Variants in NAALADL2 observed in about 807,000 individuals in gnomAD.
NAALADL2 encodes N-acetylated alpha-linked acidic dipeptidase like 2.
A neutral mutation model predicts 87.2 loss-of-function variants in NAALADL2; 76 were observed. That is an observed-to-expected ratio of 0.87 (90% CI 0.72 to 1.05). The LOEUF is 1.05. Ranked by LOEUF, NAALADL2 falls within the 50% of genes least tolerant of loss-of-function variation. The probability of loss-of-function intolerance (pLI) is 0.00; values close to 1 mark genes in which losing one functional copy is unlikely to be tolerated. For synonymous variants in NAALADL2, 354 were observed against 331.0 expected, an observed-to-expected ratio of 1.07 and a Z score of -0.75; for missense variants, 1,089 against 945.8, an observed-to-expected ratio of 1.15 and a Z score of -1.99.
intron 1 of NAALADL2, among the ~76,000 whole-genome samples, chr3:174,886,899 A>T (rs1475782224): frequency 6.6e-6 from 1 of 152,170 alleles, no homozygotes; most frequent in African/African-American, 2.4e-5. Context: ...ATGTCTTTAA[A>T]AAGTACTCCA....
intron 3 of NAALADL2, among the ~76,000 whole-genome samples, chr3:174,850,605 T>C (rs532813519): frequency 6.6e-6 from 1 of 152,126 alleles, no homozygotes; most frequent in East Asian, 1.9e-4. Flanking sequence ...AATGCTAGAG[T>C]ACCCAGATAT....
At chr3:175,740,494 G>T (rs745324134) in intron 12 of NAALADL2, among the ~76,000 whole-genome samples, 1 of 152,120 alleles carries the variant, frequency 6.6e-6, no homozygotes, top group Admixed American at 6.5e-5. Flanking sequence ...CTAGTCTCTC[G>T]ATGTTTATGG....
intron 12 of NAALADL2, among the ~76,000 whole-genome samples, chr3:175,741,712 A>C (rs1346786116): frequency 6.6e-6 from 1 of 152,126 alleles, no homozygotes; most frequent in Non-Finnish European, 1.5e-5. Flanking sequence ...GATTTTTTCC[A>C]GCCTCCAGAG....
chr3:175,758,795 T>C (rs73171459), intron 13 of NAALADL2, among the ~76,000 whole-genome samples: 14,440 of 152,148 alleles, frequency 0.095, 719 homozygotes, highest in African/African-American at 0.12. Flanking sequence ...GGTTCAATTT[T>C]TTTTTAATGT....
At chr3:175,695,071 G>GAA (rs200600326) in intron 11 of NAALADL2, among the ~76,000 whole-genome samples, 4 of 136,302 alleles carry the variant, frequency 2.9e-5, no homozygotes, top group Admixed American at 7.3e-5. Flanking sequence ...ATAGGTGCTT[G>GAA]AAAAAAAAAA....
At chr3:174,687,723 C>A (rs1728177751) in intron 2 of NAALADL2, among the ~76,000 whole-genome samples, 1 of 152,042 alleles carries the variant, frequency 6.6e-6, no homozygotes, top group Non-Finnish European at 1.5e-5. Flanking sequence ...GCTGTATCCC[C>A]ACCCAAATCT....
chr3:175,131,578 A>G (rs1017312444), intron 2 of NAALADL2, among the ~76,000 whole-genome samples: 4 of 152,104 alleles, frequency 2.6e-5, no homozygotes, highest in African/African-American at 9.7e-5. Flanking sequence ...CGATTTCTCA[A>G]TCTTTTCCCC....
chr3:174,683,418 C>A (rs1025064388), intron 2 of NAALADL2, among the ~76,000 whole-genome samples: 1 of 151,924 alleles, frequency 6.6e-6, no homozygotes, highest in Non-Finnish European at 1.5e-5. Flanking sequence ...TAAACATAAC[C>A]ACTTTTTTGT....
intron 1 of NAALADL2, among the ~76,000 whole-genome samples, chr3:175,011,475 G>C (rs945743758): frequency 3.3e-5 from 5 of 152,122 alleles, no homozygotes; most frequent in African/African-American, 1.2e-4. Flanking sequence ...GTGATATATA[G>C]CAAAAGAGAA....
chr3:175,301,846 G>C (rs1367830237), intron 4 of NAALADL2, among the ~76,000 whole-genome samples: 1 of 152,154 alleles, frequency 6.6e-6, no homozygotes, highest in African/African-American at 2.4e-5. Flanking sequence ...GAAGCTGTTT[G>C]CTTGGAACCT....
intron 11 of NAALADL2, among the ~76,000 whole-genome samples, chr3:175,734,842 A>T (rs1239441490): frequency 6.6e-6 from 1 of 152,192 alleles, no homozygotes; most frequent in Non-Finnish European, 1.5e-5. Flanking sequence ...GGGCTGCCGC[A>T]AAGGTCTCTG....
At chr3:175,692,616 A>T (rs1195964118) in intron 11 of NAALADL2, among the ~76,000 whole-genome samples, 1 of 152,182 alleles carries the variant, frequency 6.6e-6, no homozygotes, top group East Asian at 1.9e-4. Context: ...TCTGTTTGGA[A>T]ATCAGTGGTG....
intron 5 of NAALADL2, among the ~76,000 whole-genome samples, chr3:175,336,980 A>G (rs180685089): frequency 6.6e-6 from 1 of 152,174 alleles, no homozygotes; most frequent in Non-Finnish European, 1.5e-5. Flanking sequence ...GGCTGAAAAG[A>G]TAATGTGCTT....
intron 2 of NAALADL2, among the ~76,000 whole-genome samples, chr3:174,687,663 A>G (rs1728172152): frequency 6.6e-6 from 1 of 152,114 alleles, no homozygotes; most frequent in Non-Finnish European, 1.5e-5. Context: ...CTTTGTTTCT[A>G]ATACAATTTC....
intron 11 of NAALADL2, among the ~76,000 whole-genome samples, chr3:175,715,191 A>G (rs567229886): frequency 6.6e-6 from 1 of 152,268 alleles, no homozygotes; most frequent in South Asian, 2.1e-4. Context: ...TTTATGTCCA[A>G]GGCCACAAGG....
intron 1 of NAALADL2, among the ~76,000 whole-genome samples, chr3:174,441,536 G>A (rs1211456840): frequency 6.6e-6 from 1 of 152,192 alleles, no homozygotes; most frequent in African/African-American, 2.4e-5. Context: ...GCCCCCGCGC[G>A]TGGAATGCCG....
At chr3:175,454,500 A>T (rs1463254226) in intron 6 of NAALADL2, among the ~76,000 whole-genome samples, 2 of 151,994 alleles carry the variant, frequency 1.3e-5, no homozygotes, top group African/African-American at 4.8e-5. Context: ...CACCTTCTTC[A>T]TCCCAGTTTT....
chr3:175,426,336 C>G (rs1165937816), intron 5 of NAALADL2, among the ~76,000 whole-genome samples: 1 of 152,120 alleles, frequency 6.6e-6, no homozygotes, highest in Non-Finnish European at 1.5e-5. Flanking sequence ...GCACTCCTGC[C>G]TGAGCGACAG....
intron 9 of NAALADL2, among the ~76,000 whole-genome samples, chr3:175,503,345 T>A (rs1729823302): frequency 6.6e-6 from 1 of 152,174 alleles, no homozygotes; most frequent in African/African-American, 2.4e-5. Context: ...GGTATTTAGG[T>A]TGATTCCATG....
Sources: gnomAD v4.1 joint callset for allele counts (sites outside exome capture counted in the v4.1 genomes callset) on GRCh38, gnomAD v4.1.1 for gene constraint, MANE v1.5 for transcripts, NCBI Gene and HGNC (gene_info 2026-07-23, HGNC 2026-07-21) for gene names.